Variants in ZBTB44 observed in about 807,000 individuals in gnomAD.
ZBTB44 encodes zinc finger and BTB domain containing 44.
ZBTB44 carries 15 observed loss-of-function variants against 54.0 expected under a neutral mutation model. The ratio of observed to expected loss-of-function variants is 0.28; its 90% CI spans 0.19 to 0.43. The LOEUF is 0.43. Among genes scored for constraint, ZBTB44 ranks in the 20% least tolerant of loss-of-function variants. ZBTB44 has a pLI of 1.00. For missense variants in ZBTB44, 487 were observed against 707.1 expected, an observed-to-expected ratio of 0.69 and a Z score of 3.53; for synonymous variants, 230 against 250.1, an observed-to-expected ratio of 0.92 and a Z score of 0.76.
chr11:130,256,646 T>G (rs1278531805), intron 2 of ZBTB44, among the ~76,000 whole-genome samples: 1 of 142,138 alleles, frequency 7.0e-6, no homozygotes, highest in Non-Finnish European at 1.5e-5. Context: ...AGAGTGAGAC[T>G]CCGTCTCAAA....
At chr11:130,273,291 T>C (rs1380442801) in intron 1 of ZBTB44, among the ~76,000 whole-genome samples, 1 of 148,636 alleles carries the variant, frequency 6.7e-6, no homozygotes, top group Non-Finnish European at 1.5e-5. Context: ...TCACCATGAA[T>C]AAAATTATTT....
chr11:130,259,417 C>G, intron 2 of ZBTB44, among the ~76,000 whole-genome samples: 1 of 152,160 alleles, frequency 6.6e-6, no homozygotes. Context: ...AATCTAGAAA[C>G]AGAAATACCA....
At chr11:130,247,407 A>G (rs948880509) in intron 2 of ZBTB44, among the ~76,000 whole-genome samples, 8 of 152,196 alleles carry the variant, frequency 5.3e-5, no homozygotes, top group Non-Finnish European at 1.2e-4. Context: ...TTAAGCTCAA[A>G]TAGTTCAATG....
intron 1 of ZBTB44, chr11:130,285,651 T>A (rs557100067): frequency 1.1e-5 from 3 of 267,040 alleles, no homozygotes; most frequent in Non-Finnish European, 2.2e-5. Flanking sequence ...TACTTCACAG[T>A]CTAATTTTTT....
In ZBTB44 at chr11:130,301,087, A is replaced by G. The variant is rs139004971; in HGVS notation, c.-57+13288T>C. Reference sequence around the variant, plus strand: ...AGGTTAAAGATACAGGAAACGGGTGATAACAGATGGTATAAGGTCCCTAGA... The same window carrying G: ...AGGTTAAAGATACAGGAAACGGGTGGTAACAGATGGTATAAGGTCCCTAGA... On this transcript the variant is annotated intron_variant, in intron 1 of 7. Coordinates refer to ENST00000357899, the MANE Select transcript of ZBTB44 (RefSeq NM_001301098.2). 4.9e-3 allele frequency among the ~76,000 whole-genome samples: 743 copies of G among 152,282 alleles called. 6 individuals are homozygous for G. The highest frequency in any genetic ancestry group is 0.017 in the African/African-American group (723 of 41,578).
At chr11:130,257,699 G>C (rs1290185228) in intron 2 of ZBTB44, among the ~76,000 whole-genome samples, 1 of 152,154 alleles carries the variant, frequency 6.6e-6, no homozygotes, top group Non-Finnish European at 1.5e-5. Flanking sequence ...GCAGCCCAGG[G>C]AAACTCACAC....
chr11:130,295,658 G>C (rs1386493124), intron 1 of ZBTB44: 1 of 1,201,470 alleles, frequency 8.3e-7, no homozygotes, highest in African/African-American at 1.5e-5. Flanking sequence ...TTACCAACAT[G>C]ACTGAAATTC....
Position 130,261,932 on chromosome 11 carries a change from A to T in ZBTB44, c.-56-3T>A. The T allele has an allele frequency of 6.8e-7, 1 of 1,474,880 alleles. No homozygotes were observed. Among genetic ancestry groups the T allele is most frequent in the Non-Finnish European group, 9.0e-7 (1 of 1,110,372 alleles). The allele number at this position is 1,474,880 out of a possible 1,614,324, so 91.4% of individuals were successfully genotyped here. A position where few individuals can be genotyped will look rare whatever the true frequency, so the allele number is the denominator to read the frequency against. On this transcript the variant is annotated splice_region_variant and splice_polypyrimidine_tract_variant and intron_variant, in intron 1 of 7. Coordinates refer to ENST00000357899, the MANE Select transcript of ZBTB44 (RefSeq NM_001301098.2). This position sits in a 1 kb window ranked among gnomAD's most constrained non-coding sequence, Gnocchi z 4.8. Reference sequence around the variant, plus strand: ...GATGCAAATAAATCAGAAATGTCCTAAAAAATACATAAAATAAAGCATTAA... The same window carrying T: ...GATGCAAATAAATCAGAAATGTCCTTAAAAATACATAAAATAAAGCATTAA...
chr11:130,237,691 A>G (rs867950188), intron 4 of ZBTB44, among the ~76,000 whole-genome samples: 24 of 152,282 alleles, frequency 1.6e-4, no homozygotes, highest in Admixed American at 3.9e-4. Context: ...TTTGGGGAAA[A>G]AATTTTAAAA....
chr11:130,234,212 G>A lies in ZBTB44; in HGVS notation c.1630C>T (p.Leu544Phe). ...TTGCTTTCAAAACCGTGTTCTCCAA[G>A]ATCATATTGAACAAGGGTCTCTTCT... ...EQEETLVQYD[L>F]GEHGFESNSS... Residue 544 changes from leucine to phenylalanine, a missense_variant, in exon 6 of 8, where the codon CTT becomes TTT. Physicochemically the swap from Leu to Phe is conservative, Grantham distance 22. This residue lies in a region of ZBTB44 where 120 missense variants were observed against 240.3 expected (regional missense o/e 0.50). Coordinates refer to ENST00000357899, the MANE Select transcript of ZBTB44 (RefSeq NM_001301098.2). 6.6e-7 allele frequency: 1 copy of A among 1,526,218 alleles called. No individual in the cohort carries two copies. The highest frequency in any genetic ancestry group is 8.8e-7 in the Non-Finnish European group (1 of 1,136,834). The allele number at this position is 1,526,218 out of a possible 1,614,324, so 94.5% of individuals were successfully genotyped here.
chr11:130,238,379 CTGGGACT>C, intron 4 of ZBTB44, 58 bp downstream of exon 4: 1 of 1,426,736 alleles, frequency 7.0e-7, no homozygotes, highest in Non-Finnish European at 9.2e-7. Flanking sequence ...TCTATTTTAA[CTGGGACT>C]GCAAAATAAA....
At chr11:130,252,539 C>T (rs953622919) in intron 2 of ZBTB44, among the ~76,000 whole-genome samples, 8 of 152,194 alleles carry the variant, frequency 5.3e-5, no homozygotes, top group African/African-American at 1.7e-4. Context: ...AAACACACCT[C>T]AGCAAATGCA....
intron 1 of ZBTB44, among the ~76,000 whole-genome samples, chr11:130,305,328 G>A (rs1942207380): frequency 6.6e-6 from 1 of 152,152 alleles, no homozygotes; most frequent in Non-Finnish European, 1.5e-5. Flanking sequence ...AACAAATCTG[G>A]AGGAACCACA....
At chr11:130,233,685 G>A in intron 6 of ZBTB44, 6 of 1,244,370 alleles carry the variant, frequency 4.8e-6, no homozygotes, top group Non-Finnish European at 6.1e-6. Context: ...TCTAGCTAAT[G>A]ATCTGTTGTT....
At chr11:130,257,110 G>A (rs577498222) in intron 2 of ZBTB44, among the ~76,000 whole-genome samples, 7 of 151,748 alleles carry the variant, frequency 4.6e-5, no homozygotes, top group South Asian at 2.1e-4. Context: ...AATCACAAGC[G>A]TTCCTATACA....
chr11:130,310,400 G>A (rs1479466307), intron 1 of ZBTB44: 1 of 151,766 alleles, frequency 6.6e-6, no homozygotes, highest in Non-Finnish European at 1.5e-5. Flanking sequence ...AAACTCCCGT[G>A]CTTATCAGTA....
Position 130,314,444 on chromosome 11 carries a change from AGGC to A in ZBTB44, c.-129_-127del, listed in dbSNP as rs1015043324. ...CTTCTCCCGCCAGGCTGGGGCGGCG[AGGC>A]GGCGGCGGCGGCGGCCCGGGGGGAG... On this transcript the variant is annotated 5_prime_UTR_variant, in exon 1 of 8. Transcript: ENST00000357899. 28 of 151,546 alleles carry A rather than the reference AGGC, an allele frequency of 1.8e-4. No homozygotes were observed. Among genetic ancestry groups the A allele is most frequent in the Non-Finnish European group, 3.8e-4 (26 of 68,960 alleles). The allele number at this position is 151,546 out of a possible 1,614,324, so 9.4% of individuals were successfully genotyped here.
At chr11:130,264,964 T>C (rs1352078781) in intron 1 of ZBTB44, among the ~76,000 whole-genome samples, 1 of 152,184 alleles carries the variant, frequency 6.6e-6, no homozygotes, top group East Asian at 1.9e-4. Context: ...ATTATTATTA[T>C]ATCTGTTATG....
At chr11:130,298,259 T>C (rs903014607) in intron 1 of ZBTB44, among the ~76,000 whole-genome samples, 1 of 151,916 alleles carries the variant, frequency 6.6e-6, no homozygotes, top group Non-Finnish European at 1.5e-5. Context: ...CCTCCCACCT[T>C]AGCTTCCTGA....
Sources: allele counts gnomAD v4.1 joint callset (sites outside exome capture counted in the v4.1 genomes callset), GRCh38; gene constraint gnomAD v4.1.1; regional missense constraint gnomAD v4.1.1; non-coding constraint Gnocchi (gnomAD v3.1); transcripts MANE v1.5; gene names NCBI Gene and HGNC (gene_info 2026-07-23, HGNC 2026-07-21).